CSRNP3: variants seen among roughly 807,000 people sequenced by gnomAD.
The protein encoded by CSRNP3 is cysteine/serine-rich nuclear protein 3.
In CSRNP3, 12 loss-of-function variants were observed where a neutral mutation model predicts 48.0. The observed-to-expected ratio is 0.25, with a 90% CI of 0.16 to 0.41. CSRNP3 has a LOEUF of 0.41. Among genes scored for constraint, CSRNP3 ranks in the 10% least tolerant of loss-of-function variants. The pLI is 1.00. For synonymous variants in CSRNP3, 263 were observed against 269.7 expected, an observed-to-expected ratio of 0.98 and a Z score of 0.24; for missense variants, 580 against 724.4, an observed-to-expected ratio of 0.80 and a Z score of 2.29.
intron 4 of CSRNP3, among the ~76,000 whole-genome samples, chr2:165,625,488 G>A (rs1458628113): frequency 6.6e-6 from 1 of 151,188 alleles, no homozygotes. Context: ...GGAAAAGTTA[G>A]CTGAGCGTGG....
At chr2:165,499,647 T>C (rs1684330366) in intron 2 of CSRNP3, among the ~76,000 whole-genome samples, 1 of 152,110 alleles carries the variant, frequency 6.6e-6, no homozygotes. Context: ...GTCTCAAAAA[T>C]ACTGAATTCC....
At position 165,681,464 on chromosome 2, in the gene CSRNP3, A is replaced by G. The variant is rs2105368440; in HGVS notation, c.*1711A>G. 6.6e-6 allele frequency: 1 copy of G among 151,876 alleles called. No homozygotes were observed. Among genetic ancestry groups the G allele is most frequent in the East Asian group, 1.9e-4 (1 of 5,148 alleles). 9.4% of individuals were successfully genotyped at this position (151,876 alleles called of 1,614,324 possible). On this transcript the variant is annotated 3_prime_UTR_variant, in exon 7 of 7. Transcript: ENST00000651982. The stretch of plus-strand genomic sequence containing the variant: ...GAACTTAAAAATGCTTGATCTAGAG[A>G]AAGTCCTCCAGTGGAAAAGTTTCTA...
At chr2:165,641,097 T>C (rs1686714908) in intron 4 of CSRNP3, among the ~76,000 whole-genome samples, 1 of 152,236 alleles carries the variant, frequency 6.6e-6, no homozygotes, top group Admixed American at 6.5e-5. Flanking sequence ...ACCACTATTA[T>C]TAAAATGTTT....
intron 1 of CSRNP3, among the ~76,000 whole-genome samples, chr2:165,471,109 G>A (rs1013330376): frequency 6.6e-6 from 1 of 151,746 alleles, no homozygotes; most frequent in Non-Finnish European, 1.5e-5. Flanking sequence ...CTGAATATTA[G>A]TATGGATTAT....
Position 165,685,044 on chromosome 2 carries a change from C to A in CSRNP3, c.*5291C>A, listed in dbSNP as rs1687608323. Reference sequence around the variant, plus strand: ...CATTTGATGCTTTAGAAAATAAAAACACACACCTACAGCATTCTAAAGAAA... The same window carrying A: ...CATTTGATGCTTTAGAAAATAAAAAAACACACCTACAGCATTCTAAAGAAA... On this transcript the variant is annotated 3_prime_UTR_variant, in exon 7 of 7. Coordinates refer to ENST00000651982, the MANE Select transcript of CSRNP3 (RefSeq NM_001172173.2). 6.6e-6 allele frequency: 1 copy of A among 152,046 alleles called. No individual in the cohort carries two copies. The highest frequency in any genetic ancestry group is 1.5e-5 in the Non-Finnish European group (1 of 67,970). 9.4% of individuals were successfully genotyped at this position (152,046 alleles called of 1,614,324 possible). A position where few individuals can be genotyped will look rare whatever the true frequency, so the allele number is the denominator to read the frequency against.
intron 3 of CSRNP3, among the ~76,000 whole-genome samples, chr2:165,529,056 G>C (rs1432686498): frequency 6.6e-6 from 1 of 152,158 alleles, no homozygotes; most frequent in Admixed American, 6.5e-5. Flanking sequence ...GCATTCTTGG[G>C]GGCCCAGGAA....
At chr2:165,470,607 T>A (rs1057175639) in intron 1 of CSRNP3, among the ~76,000 whole-genome samples, 4 of 151,978 alleles carry the variant, frequency 2.6e-5, no homozygotes, top group African/African-American at 9.7e-5. Flanking sequence ...GGTGCTTGTA[T>A]CTCCTAATAT....
intron 1 of CSRNP3, among the ~76,000 whole-genome samples, chr2:165,490,116 C>G (rs1199051267): frequency 9.4e-5 from 14 of 149,036 alleles, no homozygotes; most frequent in African/African-American, 3.4e-4. Flanking sequence ...GATACAAAAT[C>G]AATGTACAAA....
Position 165,517,093 on chromosome 2 carries a change from AT to A in CSRNP3, c.-112-775del, listed in dbSNP as rs569224404. 4.7e-4 allele frequency among the ~76,000 whole-genome samples: 72 copies of A among 152,112 alleles called. No individual in the cohort carries two copies. In the Middle Eastern group the frequency reaches 0.01, roughly 22 times the overall value. ...TCTCATTTTTAAAGAAAATTTTTACATTTTTATATGGACTTGGTAATATTAC... is the reference window on the plus strand; with the variant it reads ...TCTCATTTTTAAAGAAAATTTTTACATTTTATATGGACTTGGTAATATTAC... On this transcript the variant is annotated intron_variant, in intron 2 of 6. Transcript: ENST00000651982.
chr2:165,632,155 A>G (rs919919880), intron 4 of CSRNP3, among the ~76,000 whole-genome samples: 2 of 152,220 alleles, frequency 1.3e-5, no homozygotes. Context: ...CATAGGTATT[A>G]ATTCTGAATT....
chr2:165,588,864 A>T (rs1184082573), intron 3 of CSRNP3, among the ~76,000 whole-genome samples: 2 of 152,174 alleles, frequency 1.3e-5, no homozygotes, highest in African/African-American at 4.8e-5. Context: ...GGTGAGGCAG[A>T]GGTGGGAGGA....
At chr2:165,605,934 C>T (rs1393850346) in intron 4 of CSRNP3, among the ~76,000 whole-genome samples, 2 of 151,908 alleles carry the variant, frequency 1.3e-5, no homozygotes, top group Non-Finnish European at 2.9e-5. Flanking sequence ...AAATAGGGAG[C>T]ATAGAATCAG....
chr2:165,490,225 G>T (rs1407175383), intron 1 of CSRNP3, among the ~76,000 whole-genome samples: 2 of 150,788 alleles, frequency 1.3e-5, no homozygotes, highest in Admixed American at 1.3e-4. Context: ...AAAAAACCTA[G>T]GAATCCAACT....
chr2:165,667,145 A>AAGG (rs1687248506), intron 5 of CSRNP3, among the ~76,000 whole-genome samples: 1 of 148,240 alleles, frequency 6.7e-6, no homozygotes, highest in African/African-American at 2.5e-5. Flanking sequence ...GAGAGAGAGA[A>AAGG]AAGGAAGGAA....
intron 4 of CSRNP3, among the ~76,000 whole-genome samples, chr2:165,599,317 G>GAAAGAAAGAAAGAAAGAA (rs1553478352): frequency 6.8e-6 from 1 of 146,474 alleles, no homozygotes; most frequent in Admixed American, 7.0e-5. Flanking sequence ...AAGAAAGAAA[G>GAAAGAAAGAAAGAAAGAA]AAAGAAAGAA....
chr2:165,586,430 C>T (rs1269325040), intron 3 of CSRNP3, among the ~76,000 whole-genome samples: 2 of 152,008 alleles, frequency 1.3e-5, no homozygotes, highest in African/African-American at 4.8e-5. Context: ...CAAAAAACAA[C>T]AAAAAAGTAG....
At chr2:165,655,797 G>T (rs1353978644) in intron 4 of CSRNP3, among the ~76,000 whole-genome samples, 1 of 152,172 alleles carries the variant, frequency 6.6e-6, no homozygotes, top group African/African-American at 2.4e-5. Context: ...TTCACACGGT[G>T]TTCTTTCTGT....
intron 3 of CSRNP3, among the ~76,000 whole-genome samples, chr2:165,565,141 A>G (rs1376054999): frequency 6.6e-6 from 1 of 152,106 alleles, no homozygotes; most frequent in Non-Finnish European, 1.5e-5. Context: ...TACAAAGAGT[A>G]GTGGTTGCTG....
intron 3 of CSRNP3, among the ~76,000 whole-genome samples, chr2:165,542,159 C>T (rs958870885): frequency 2.6e-5 from 4 of 152,176 alleles, no homozygotes; most frequent in African/African-American, 9.7e-5. Context: ...ATATTCCTAG[C>T]ATTTCCTTCT....
Sources: allele counts gnomAD v4.1 joint callset (sites outside exome capture counted in the v4.1 genomes callset), GRCh38; gene constraint gnomAD v4.1.1; transcripts MANE v1.5; gene names NCBI Gene and HGNC (gene_info 2026-07-23, HGNC 2026-07-21).